The following PRICKLE2 variants were observed in gnomAD, a reference collection of about 807,000 sequenced individuals.
The protein encoded by PRICKLE2 is prickle planar cell polarity protein 2, also known as prickle-like protein 2.
In PRICKLE2, 21 loss-of-function variants were observed where a neutral mutation model predicts 81.4. The observed-to-expected ratio is 0.26, with a 90% CI of 0.18 to 0.37. The LOEUF is 0.37. Ranked by LOEUF, PRICKLE2 falls within the 10% of genes least tolerant of loss-of-function variation. The pLI is 1.00. For missense variants in PRICKLE2, 940 were observed against 1,109.0 expected (o/e 0.85, Z 2.16); for synonymous variants, 456 against 421.5 (o/e 1.08, Z -1.00).
chr3:64,142,316 T>TTC (rs1553642611), intron 7 of PRICKLE2, among the ~76,000 whole-genome samples: 2 of 148,212 alleles, frequency 1.3e-5, no homozygotes, highest in Non-Finnish European at 3.0e-5. Context: ...TTTCTTTCTT[T>TTC]TTTTTTTTTT....
rs2076898605 is a variant in PRICKLE2 at position 64,114,221 on chromosome 3, G to A, written c.1661-14296C>T. Among the ~76,000 whole-genome samples the A allele has an allele frequency of 2.0e-5, 3 of 150,974 alleles. No individual in the cohort carries two copies. In the South Asian group the frequency reaches 6.3e-4, roughly 32 times the overall value. ...AAGAAAAAAAAAAAAACCATGCAAAGGTCAGCAACCTCAAAGATTGAAGGT... is the reference window on the plus strand; with the variant it reads ...AAGAAAAAAAAAAAAACCATGCAAAAGTCAGCAACCTCAAAGATTGAAGGT... On this transcript the variant is annotated intron_variant, in intron 7 of 7. Transcript: ENST00000638394.
chr3:64,148,849 A>T (rs188508200), intron 6 of PRICKLE2, among the ~76,000 whole-genome samples: 1 of 152,234 alleles, frequency 6.6e-6, no homozygotes, highest in Non-Finnish European at 1.5e-5. Context: ...CAGCTTTCAG[A>T]ACTGTCAGCA....
At chr3:64,164,742 T>C (rs537602258) in intron 2 of PRICKLE2, among the ~76,000 whole-genome samples, 159 of 152,324 alleles carry the variant, frequency 1.0e-3, no homozygotes, top group Admixed American at 1.8e-3. Flanking sequence ...GGCAGAGAGC[T>C]ATGCCCAGGG....
chr3:64,250,095 A>C (rs1441595832), intron 2 of PRICKLE2, among the ~76,000 whole-genome samples: 2 of 152,132 alleles, frequency 1.3e-5, no homozygotes, highest in Non-Finnish European at 2.9e-5. Context: ...TCACCTCTCA[A>C]CCACAGCATC....
At chr3:64,187,490 A>T (rs1472745618) in intron 2 of PRICKLE2, 1 of 152,146 alleles carries the variant, frequency 6.6e-6, no homozygotes, top group African/African-American at 2.4e-5. Context: ...GCTTAGGGGG[A>T]ATTTAATCCA....
intron 7 of PRICKLE2, among the ~76,000 whole-genome samples, chr3:64,141,088 C>T (rs1470066587): frequency 6.6e-6 from 1 of 152,202 alleles, no homozygotes; most frequent in Non-Finnish European, 1.5e-5. Context: ...ATTTATCTCA[C>T]AGCATTTAAA....
intron 2 of PRICKLE2, among the ~76,000 whole-genome samples, chr3:64,244,996 C>A (rs920036034): frequency 6.6e-6 from 1 of 152,086 alleles, no homozygotes; most frequent in African/African-American, 2.4e-5. Context: ...ACCATAACAT[C>A]GCTACCAATC....
intron 2 of PRICKLE2, among the ~76,000 whole-genome samples, chr3:64,186,452 G>C (rs1200394163): frequency 1.3e-5 from 2 of 152,158 alleles, no homozygotes; most frequent in African/African-American, 2.4e-5. Flanking sequence ...GAGCCCAGAA[G>C]GATAGTTACT....
chr3:64,203,434 C>T (rs1194750804), intron 1 of PRICKLE2, among the ~76,000 whole-genome samples: 1 of 152,134 alleles, frequency 6.6e-6, no homozygotes, highest in Non-Finnish European at 1.5e-5. Flanking sequence ...GTGACTAATG[C>T]TTTTTACTAG....
intron 2 of PRICKLE2, among the ~76,000 whole-genome samples, chr3:64,175,343 G>T (rs1403468306): frequency 2.0e-5 from 3 of 152,162 alleles, no homozygotes; most frequent in Admixed American, 6.5e-5. Flanking sequence ...AGTTGCTAGT[G>T]TAAGGAGTCT....
chr3:64,233,949 C>G (rs2107163457), intron 2 of PRICKLE2, among the ~76,000 whole-genome samples: 1 of 152,242 alleles, frequency 6.6e-6, no homozygotes, highest in East Asian at 1.9e-4. Context: ...CCCTTTGTGC[C>G]TGGCTCTTCA....
chr3:64,212,179 C>T (rs2078799468), intron 1 of PRICKLE2, among the ~76,000 whole-genome samples: 1 of 152,196 alleles, frequency 6.6e-6, no homozygotes, highest in East Asian at 1.9e-4. Context: ...TGTGGGGTAT[C>T]TAGAAAAGCT....
Position 64,215,078 on chromosome 3 carries a change from G to A in PRICKLE2, c.-41+9832C>T, listed in dbSNP as rs2008294. 5.7e-3 allele frequency among the ~76,000 whole-genome samples: 869 copies of A among 152,118 alleles called. 9 individuals are homozygous for A. Among genetic ancestry groups the A allele is most frequent in the African/African-American group, 0.02 (816 of 41,488 alleles). The stretch of plus-strand genomic sequence containing the variant: ...CACCGTTTGTTTTTTAAACAATGAT[G>A]ATAACACTCAGCTCTCCTGCTTAAA... On this transcript the variant is annotated intron_variant, in intron 1 of 7. Coordinates refer to ENST00000638394, the MANE Select transcript of PRICKLE2 (RefSeq NM_198859.4).
intron 7 of PRICKLE2, among the ~76,000 whole-genome samples, chr3:64,105,474 A>G (rs545158927): frequency 6.6e-6 from 1 of 152,292 alleles, no homozygotes; most frequent in South Asian, 2.1e-4. Flanking sequence ...CTTGGAAAAA[A>G]GCAACCACCC....
At chr3:64,164,939 T>C (rs1311508691) in intron 2 of PRICKLE2, among the ~76,000 whole-genome samples, 2 of 152,070 alleles carry the variant, frequency 1.3e-5, no homozygotes. Flanking sequence ...AAAGGCCAGG[T>C]ATAAAAAAGC....
At chr3:64,167,520 A>G (rs1271293465) in intron 2 of PRICKLE2, among the ~76,000 whole-genome samples, 1 of 152,220 alleles carries the variant, frequency 6.6e-6, no homozygotes, top group African/African-American at 2.4e-5. Context: ...TTTGGCAGCA[A>G]CTTCAGTGTG....
upstream of PRICKLE2, among the ~76,000 whole-genome samples, chr3:64,230,163 C>T (rs569504851): frequency 6.4e-4 from 98 of 152,260 alleles, no homozygotes; most frequent in Non-Finnish European, 1.2e-3. Context: ...CATGACCTCA[C>T]CCAGCTGCAA....
chr3:64,262,424 C>T (rs2079629285), intron 2 of PRICKLE2, among the ~76,000 whole-genome samples: 1 of 151,910 alleles, frequency 6.6e-6, no homozygotes, highest in South Asian at 2.1e-4. Context: ...TCTGAGAAGC[C>T]GATTGGACAT....
rs727504106 is a variant in PRICKLE2, at chr3:64,198,805, C to G, written c.123G>C (p.Pro41=). The G allele has an allele frequency of 6.8e-6, 11 of 1,614,082 alleles. No individual in the cohort carries two copies. Among genetic ancestry groups the G allele is most frequent in the Non-Finnish European group, 9.3e-6 (11 of 1,180,004 alleles). ...GCALEEYAWV[P]PGLKPEQVHQ... is the part of the protein sequence containing the mutation. ...GTACCTGTTCAGGCTTCAGACCCGG[C>G]GGGACCCAGGCATACTCTTCCAAAG... The change falls in exon 2 of 8, where the codon CCG becomes CCC. Residue 41 remains proline, a synonymous_variant. Transcript: ENST00000638394.
Sources: gnomAD v4.1 joint callset for allele counts (sites outside exome capture counted in the v4.1 genomes callset) on GRCh38, gnomAD v4.1.1 for gene constraint, MANE v1.5 for transcripts, NCBI Gene and HGNC (gene_info 2026-07-23, HGNC 2026-07-21) for gene names.